Variants in RASGRP1 observed in about 807,000 individuals in gnomAD.
RASGRP1 encodes RAS guanyl releasing protein 1, also known as RAS guanyl-releasing protein 1.
Under a neutral mutation model 95.1 loss-of-function variants are expected in RASGRP1, and 37 were observed. The ratio of observed to expected loss-of-function variants is 0.39; its 90% CI spans 0.30 to 0.51. The LOEUF is 0.51. Ranked by LOEUF, RASGRP1 falls within the 20% of genes least tolerant of loss-of-function variation. The probability of loss-of-function intolerance (pLI) is 0.80; values close to 1 mark genes in which losing one functional copy is unlikely to be tolerated. For synonymous variants in RASGRP1, 325 were observed against 353.4 expected (o/e 0.92, Z 0.90); for missense variants, 711 against 965.4 (o/e 0.74, Z 3.49).
At chr15:38,490,819 A>G in intron 16 of RASGRP1, 131 bp from the exon 17 acceptor site, 2 of 988,548 alleles carry the variant, frequency 2.0e-6, no homozygotes, top group South Asian at 3.5e-5. Context: ...TTTTCAAGAT[A>G]GTTATTTTGC....
At chr15:38,516,470 T>G in intron 5 of RASGRP1, 120 bp from the exon 6 acceptor site, 5 of 1,262,090 alleles carry the variant, frequency 4.0e-6, no homozygotes, top group Non-Finnish European at 5.6e-6. Context: ...ACTTTCCTTG[T>G]GAATGCCAAA....
chr15:38,534,271 A>C (rs1892551126), intron 2 of RASGRP1: 1 of 152,250 alleles, frequency 6.6e-6, no homozygotes, highest in Non-Finnish European at 1.5e-5. Flanking sequence ...GCTCTAAACC[A>C]AGAACAAAAA....
intron 1 of RASGRP1, among the ~76,000 whole-genome samples, chr15:38,561,632 T>G (rs76996623): frequency 0.019 from 2,840 of 152,350 alleles, 90 homozygotes; most frequent in African/African-American, 0.066. Flanking sequence ...CAGCTAGACC[T>G]GTGCAGGGGC....
chr15:38,545,917 T>C (rs1475877785), intron 2 of RASGRP1, among the ~76,000 whole-genome samples: 2 of 152,218 alleles, frequency 1.3e-5, no homozygotes, highest in African/African-American at 4.8e-5. Flanking sequence ...TCTTCCTTAC[T>C]AAACACTGCA....
intron 2 of RASGRP1, among the ~76,000 whole-genome samples, chr15:38,541,576 A>C (rs760413396): frequency 3.9e-5 from 6 of 152,210 alleles, no homozygotes; most frequent in Admixed American, 6.5e-5. Flanking sequence ...TGGGTGATAG[A>C]GCAAGACCCT....
chr15:38,515,061 A>G (rs1389039361), intron 6 of RASGRP1, among the ~76,000 whole-genome samples: 4 of 152,210 alleles, frequency 2.6e-5, no homozygotes, highest in African/African-American at 9.6e-5. Flanking sequence ...CTGAGTGACC[A>G]AACAGCTGCG....
At chr15:38,559,721 A>T (rs1893727152) in intron 2 of RASGRP1, 100 bp downstream of exon 2, 2 of 1,267,596 alleles carry the variant, frequency 1.6e-6, no homozygotes, top group Non-Finnish European at 2.2e-6. Flanking sequence ...CTATTTTTAA[A>T]GCCAAAATAC....
chr15:38,510,118 T>C (rs1325859380), intron 8 of RASGRP1, among the ~76,000 whole-genome samples: 3 of 152,192 alleles, frequency 2.0e-5, no homozygotes, highest in Admixed American at 1.3e-4. Flanking sequence ...TTGGGGACTT[T>C]TGCTTCAACC....
At chr15:38,518,785 C>T (rs368845843) in intron 4 of RASGRP1, among the ~76,000 whole-genome samples, 15 of 152,118 alleles carry the variant, frequency 9.9e-5, no homozygotes, top group East Asian at 7.7e-4. Flanking sequence ...TTATCATATT[C>T]GAATATTACA....
At chr15:38,496,189 T>G (rs1890785114) in intron 15 of RASGRP1, among the ~76,000 whole-genome samples, 1 of 152,180 alleles carries the variant, frequency 6.6e-6, no homozygotes, top group Non-Finnish European at 1.5e-5. Flanking sequence ...AATAATGAGA[T>G]AGAAATAACT....
chr15:38,546,288 G>A (rs1893101452), intron 2 of RASGRP1, among the ~76,000 whole-genome samples: 2 of 152,030 alleles, frequency 1.3e-5, no homozygotes, highest in South Asian at 4.2e-4. Context: ...CGCAATCTTG[G>A]CTCACTGCAA....
Position 38,523,584 on chromosome 15 carries a change from C to T in RASGRP1, c.326+2715G>A, listed in dbSNP as rs545057581. Among the ~76,000 whole-genome samples, 4 of 152,188 alleles carry T rather than the reference C, an allele frequency of 2.6e-5. No homozygotes were observed. In the South Asian group the frequency reaches 8.3e-4, roughly 32 times the overall value. ...AAGTATATAGTGTTTATAAAACCTA[C>T]AGTTATGTACAGTAATGTCCTAGGC... On this transcript the variant is annotated intron_variant, in intron 3 of 16. Transcript: ENST00000310803.
At chr15:38,513,054 T>C in intron 6 of RASGRP1, 98 bp from the exon 7 acceptor site, 1 of 1,244,974 alleles carries the variant, frequency 8.0e-7, no homozygotes. Context: ...GCTCAGTTGA[T>C]GGCTGGGAAC....
intron 2 of RASGRP1, among the ~76,000 whole-genome samples, chr15:38,558,244 G>A (rs976671476): frequency 2.6e-5 from 4 of 152,102 alleles, no homozygotes; most frequent in South Asian, 2.1e-4. Flanking sequence ...ATGGCCCCAC[G>A]TCAGCCGCGC....
Position 38,500,157 on chromosome 15 carries a change from G to T in RASGRP1, c.1684-18C>A. 6.2e-7 allele frequency: 1 copy of T among 1,612,532 alleles called. No homozygotes were observed. ...CCCCAGAGCTATGAAACAAGAGACA[G>T]AATGCACCACATGTCATTCATCCAT... On this transcript the variant is annotated intron_variant, in intron 13 of 16. Coordinates refer to ENST00000310803, the MANE Select transcript of RASGRP1 (RefSeq NM_005739.4).
At chr15:38,552,767 A>G (rs993530044) in intron 2 of RASGRP1, among the ~76,000 whole-genome samples, 1 of 152,238 alleles carries the variant, frequency 6.6e-6, no homozygotes, top group Admixed American at 6.5e-5. Flanking sequence ...ACTAGCTTGC[A>G]AAATTCCTGA....
chr15:38,518,274 C>G lies in RASGRP1; in HGVS notation c.521+18G>C, dbSNP rs1242846766. ...AGGGAGGTGGTTTCGAAAGATGAGT[C>G]AAGACCTTGACACTCACATTTGAGT... is the stretch of plus-strand genomic sequence containing the variant. On this transcript the variant is annotated intron_variant, in intron 5 of 16. Coordinates refer to ENST00000310803, the MANE Select transcript of RASGRP1 (RefSeq NM_005739.4). The G allele has an allele frequency of 1.9e-6, 3 of 1,606,932 alleles. No individual in the cohort carries two copies. Among genetic ancestry groups the G allele is most frequent in the East Asian group, 2.2e-5 (1 of 44,588 alleles).
intron 8 of RASGRP1, among the ~76,000 whole-genome samples, chr15:38,509,820 G>A (rs1891427715): frequency 6.6e-6 from 1 of 152,108 alleles, no homozygotes; most frequent in Non-Finnish European, 1.5e-5. Flanking sequence ...TGAAACTACA[G>A]GAGACAAAAC....
chr15:38,518,350 C>T lies in RASGRP1; in HGVS notation c.463G>A (p.Glu155Lys), dbSNP rs992837178. ...SLTDTMEEFQ[E>K]LVKAKGEELH... is the part of the protein sequence containing the mutation. The stretch of plus-strand genomic sequence containing the variant: ...TCCTCACCCTTAGCTTTCACCAGTT[C>T]CTGAAACTCCTCCATAGTGTCTGTC... The change falls in exon 5 of 17, where the codon GAA becomes AAA. Residue 155 changes from glutamate to lysine, a missense_variant. Glu to Lys is a moderately conservative substitution (Grantham distance 56). This residue lies in a region of RASGRP1 where 491 missense variants were observed against 676.6 expected (regional missense o/e 0.73). Coordinates refer to ENST00000310803, the MANE Select transcript of RASGRP1 (RefSeq NM_005739.4). 5.6e-6 allele frequency: 9 copies of T among 1,609,458 alleles called. No individual in the cohort carries two copies. In the African/African-American group the frequency reaches 1.2e-4, roughly 22 times the overall value.
Sources: allele counts gnomAD v4.1 joint callset (sites outside exome capture counted in the v4.1 genomes callset), GRCh38; gene constraint gnomAD v4.1.1; regional missense constraint gnomAD v4.1.1; transcripts MANE v1.5; gene names NCBI Gene and HGNC (gene_info 2026-07-23, HGNC 2026-07-21).